The following RBFOX3 variants were observed in gnomAD, a reference collection of about 807,000 sequenced individuals.
RBFOX3 encodes RNA binding protein fox-1 homolog 3.
A neutral mutation model predicts 48.7 loss-of-function variants in RBFOX3; 17 were observed. The ratio of observed to expected loss-of-function variants is 0.35; its 90% CI spans 0.24 to 0.52. RBFOX3 has a LOEUF of 0.52. Ranked by LOEUF, RBFOX3 falls within the 20% of genes least tolerant of loss-of-function variation. RBFOX3 has a pLI of 0.94. For synonymous variants in RBFOX3, 212 were observed against 209.5 expected, an observed-to-expected ratio of 1.01 and a Z score of -0.10; for missense variants, 382 against 497.5, an observed-to-expected ratio of 0.77 and a Z score of 2.21.
intron 1 of RBFOX3, among the ~76,000 whole-genome samples, chr17:79,516,727 CG>C (rs2085297615): frequency 6.6e-6 from 1 of 152,188 alleles, no homozygotes; most frequent in African/African-American, 2.4e-5. Context: ...TCCGAAAGCA[CG>C]CTGGAGCAAC....
intron 3 of RBFOX3, among the ~76,000 whole-genome samples, chr17:79,304,167 G>T (rs544978645): frequency 6.6e-5 from 10 of 152,094 alleles, no homozygotes; most frequent in African/African-American, 2.4e-4. Flanking sequence ...TAGGGTTGGT[G>T]GTTAATGCCT....
intron 1 of RBFOX3, among the ~76,000 whole-genome samples, chr17:79,609,790 C>T (rs2145547068): frequency 6.6e-6 from 1 of 152,132 alleles, no homozygotes; most frequent in East Asian, 2.0e-4. Flanking sequence ...GGGGAGGCTC[C>T]GCGTCCCGGG....
intron 6 of RBFOX3, among the ~76,000 whole-genome samples, chr17:79,105,667 G>C (rs915766099): frequency 2.0e-5 from 3 of 152,130 alleles, no homozygotes; most frequent in Non-Finnish European, 4.4e-5. Context: ...GGGGCTGCCA[G>C]AGGTGCTTCC....
At chr17:79,507,211 G>A (rs1291748442) in intron 1 of RBFOX3, among the ~76,000 whole-genome samples, 1 of 152,146 alleles carries the variant, frequency 6.6e-6, no homozygotes, top group Non-Finnish European at 1.5e-5. Context: ...AGACACCACT[G>A]GGTACCTCTG....
chr17:79,559,560 T>C (rs2092035845), intron 1 of RBFOX3, among the ~76,000 whole-genome samples: 1 of 125,914 alleles, frequency 7.9e-6, no homozygotes, highest in Non-Finnish European at 1.7e-5. Flanking sequence ...GAATGGTGGG[T>C]GGACAGATGG....
At chr17:79,110,369 T>C (rs1316116317) in intron 5 of RBFOX3, among the ~76,000 whole-genome samples, 1 of 151,880 alleles carries the variant, frequency 6.6e-6, no homozygotes, top group Non-Finnish European at 1.5e-5. Flanking sequence ...GCACCCACTT[T>C]CGCCTGGGGC....
At chr17:79,095,914 G>A (rs184004894) in intron 12 of RBFOX3, among the ~76,000 whole-genome samples, 1 of 152,372 alleles carries the variant, frequency 6.6e-6, no homozygotes, top group East Asian at 1.9e-4. Flanking sequence ...CTGGCTGGGT[G>A]CTAGGCCTTG....
At chr17:79,431,986 G>A (rs183603038) in intron 2 of RBFOX3, among the ~76,000 whole-genome samples, 11 of 152,266 alleles carry the variant, frequency 7.2e-5, no homozygotes, top group African/African-American at 1.7e-4. Context: ...GGTAAACACC[G>A]ACGTAATTTC....
At chr17:79,180,068 C>T (rs577436636) in intron 4 of RBFOX3, among the ~76,000 whole-genome samples, 1 of 152,220 alleles carries the variant, frequency 6.6e-6, no homozygotes, top group South Asian at 2.1e-4. Context: ...CTGGAGTTCT[C>T]CTGGTGTCAG....
rs200580682 is a variant in RBFOX3, at chr17:79,101,571, C to T, written c.568+13G>A. 6.5e-7 allele frequency: 1 copy of T among 1,550,154 alleles called. No homozygotes were observed. The highest frequency in any genetic ancestry group is 2.4e-5 in the East Asian group (1 of 40,908). On this transcript the variant is annotated intron_variant, in intron 9 of 14. Transcript: ENST00000693108. ...TGACCCCAGCAGCCTTGTGGGGGGA[C>T]CCAGCCCCTTACCGTTGGTGTAGGG... is the stretch of plus-strand genomic sequence containing the variant.
At chr17:79,120,469 G>T (rs550439143) in intron 4 of RBFOX3, among the ~76,000 whole-genome samples, 16 of 151,674 alleles carry the variant, frequency 1.1e-4, no homozygotes, top group African/African-American at 3.9e-4. Flanking sequence ...GTGAATGGAT[G>T]GATGGAAGGG....
At chr17:79,495,161 T>G (rs76815500) in intron 1 of RBFOX3, among the ~76,000 whole-genome samples, 1 of 151,014 alleles carries the variant, frequency 6.6e-6, no homozygotes, top group South Asian at 2.1e-4. Context: ...TCTCCACAGG[T>G]GAGTTACCTG....
At chr17:79,639,400 T>G in the RBFOX3 span, among the ~76,000 whole-genome samples, 1 of 152,084 alleles carries the variant, frequency 6.6e-6, no homozygotes, top group African/African-American at 2.4e-5. Context: ...ATGGTCTCAA[T>G]CTCCTGACCT....
At chr17:79,317,908 C>T (rs991122808) in intron 2 of RBFOX3, among the ~76,000 whole-genome samples, 5 of 152,294 alleles carry the variant, frequency 3.3e-5, no homozygotes, top group Admixed American at 1.3e-4. Flanking sequence ...AAGTAACATG[C>T]TAACTTCCCT....
intron 1 of RBFOX3, among the ~76,000 whole-genome samples, chr17:79,532,125 C>T (rs956529362): frequency 3.9e-4 from 59 of 152,056 alleles, no homozygotes; most frequent in Non-Finnish European, 7.5e-4. Context: ...CAGGTGGCAG[C>T]GCCAGAATTA....
chr17:79,096,751 C>T lies in RBFOX3; in HGVS notation c.838G>A (p.Glu280Lys), dbSNP rs1244157254. ...GCTGGAGAGGTGGGGTAGGCCGGCT[C>T]CGGTGTCTGCTGAGGAGGGAGGGGG... ...PCPLPPQQTP[E>K]PAYPTSPAFP... Residue 280 changes from glutamate (E) to lysine (K), a missense_variant, in exon 12 of 15, where the codon GAG (glutamate) becomes AAG (lysine). By Grantham distance (56) the Glu-to-Lys change is moderately conservative. Around this residue, in one of 3 missense-constraint regions of RBFOX3, gnomAD observed 215 missense variants for 254.8 expected, o/e 0.84. Transcript: ENST00000693108. The T allele has an allele frequency of 1.3e-6, 2 of 1,494,834 alleles. No individual in the cohort carries two copies. Among genetic ancestry groups the T allele is most frequent in the Admixed American group, 2.0e-5 (1 of 50,900 alleles). 92.6% of individuals were successfully genotyped at this position (1,494,834 alleles called of 1,614,324 possible).
At chr17:79,277,616 G>A (rs2069219111) in intron 3 of RBFOX3, among the ~76,000 whole-genome samples, 1 of 152,226 alleles carries the variant, frequency 6.6e-6, no homozygotes, top group Non-Finnish European at 1.5e-5. Flanking sequence ...ACCTCCCCAG[G>A]CTCACTGCCT....
chr17:79,184,756 A>G (rs536712806), intron 4 of RBFOX3, among the ~76,000 whole-genome samples: 11 of 152,344 alleles, frequency 7.2e-5, no homozygotes, highest in Admixed American at 3.3e-4. Flanking sequence ...CACTGCAGAC[A>G]GTGAGCCCTG....
chr17:79,588,358 G>A (rs936527922), intron 1 of RBFOX3, among the ~76,000 whole-genome samples: 99 of 152,276 alleles, frequency 6.5e-4, no homozygotes, highest in African/African-American at 2.3e-3. Context: ...GAGACATTCT[G>A]GGCTTCATCC....
Sources: allele counts gnomAD v4.1 joint callset (sites outside exome capture counted in the v4.1 genomes callset), GRCh38; gene constraint gnomAD v4.1.1; regional missense constraint gnomAD v4.1.1; transcripts MANE v1.5; gene names NCBI Gene and HGNC (gene_info 2026-07-23, HGNC 2026-07-21).